WDR43: variants seen among roughly 807,000 people sequenced by gnomAD.
The protein encoded by WDR43 is WD repeat-containing protein 43.
WDR43 carries 13 observed loss-of-function variants against 91.4 expected under a neutral mutation model. The observed-to-expected ratio is 0.14, with a 90% CI of 0.09 to 0.23. WDR43 has a LOEUF of 0.23. WDR43 is among the 10% of genes least tolerant of loss of function. The pLI is 1.00. For synonymous variants in WDR43, 331 were observed against 287.9 expected (o/e 1.15, Z -1.51); for missense variants, 780 against 809.4 (o/e 0.96, Z 0.44).
rs1235843791 is a variant in WDR43 at position 28,896,553 on chromosome 2, T to TA, written c.225+1636dup. 2.0e-5 allele frequency among the ~76,000 whole-genome samples: 3 copies of TA among 152,094 alleles called. No individual in the cohort carries two copies. In the East Asian group the frequency reaches 5.8e-4, roughly 29 times the overall value. ...GGGAAACTAAGCAACTTGAATAAAG[T>TA]AAAAAATGGAACCAGGATTAGAACT... is the stretch of plus-strand genomic sequence containing the variant. On this transcript the variant is annotated intron_variant, in intron 1 of 17. Coordinates refer to ENST00000407426, the MANE Select transcript of WDR43 (RefSeq NM_015131.3).
At chr2:28,933,965 G>A (rs1001691293) in intron 11 of WDR43, among the ~76,000 whole-genome samples, 1 of 152,146 alleles carries the variant, frequency 6.6e-6, no homozygotes, top group African/African-American at 2.4e-5. Context: ...ATATGATGGA[G>A]CCATTCTGCT....
intron 11 of WDR43, among the ~76,000 whole-genome samples, chr2:28,934,850 T>C (rs528111608): frequency 6.6e-6 from 1 of 152,188 alleles, no homozygotes; most frequent in Non-Finnish European, 1.5e-5. Flanking sequence ...AGAAAGACTC[T>C]CTGGAACTAA....
At chr2:28,920,769 C>T (rs1671009926) in intron 6 of WDR43, among the ~76,000 whole-genome samples, 1 of 151,964 alleles carries the variant, frequency 6.6e-6, no homozygotes, top group East Asian at 1.9e-4. Context: ...CTCTGCCTCC[C>T]AGGTTCGAGC....
chr2:28,931,655 C>CTTTTTTTTTTTTTGCAAAAAATCT (rs34087215), intron 11 of WDR43, among the ~76,000 whole-genome samples: 2 of 143,296 alleles, frequency 1.4e-5, no homozygotes, highest in African/African-American at 5.2e-5. Flanking sequence ...GGTTTAAAAT[C>CTTTTTTTTTTTTTGCAAAAAATCT]TTTTTTTTTT....
intron 2 of WDR43, 129 bp from the exon 3 acceptor site, chr2:28,906,331 C>A (rs539832720): frequency 2.3e-6 from 2 of 857,632 alleles, no homozygotes; most frequent in East Asian, 2.9e-5. Flanking sequence ...TCTGAAATAT[C>A]CACGTGTGGG....
intron 16 of WDR43, among the ~76,000 whole-genome samples, chr2:28,944,485 A>G (rs867162277): frequency 1.1e-4 from 17 of 152,378 alleles, no homozygotes; most frequent in Middle Eastern, 6.8e-3. Flanking sequence ...GCTTTAAAAC[A>G]TATATGTAGA....
In WDR43 at chr2:28,941,565, A is replaced by G. The variant is rs747474226; in HGVS notation, c.1725A>G (p.Leu575=). 1.2e-6 allele frequency: 2 copies of G among 1,609,168 alleles called. No homozygotes were observed. Among genetic ancestry groups the G allele is most frequent in the Non-Finnish European group, 1.7e-6 (2 of 1,177,114 alleles). Residue 575 remains leucine, a synonymous_variant, in exon 15 of 18, where the codon CTA becomes CTG. Coordinates refer to ENST00000407426, the MANE Select transcript of WDR43 (RefSeq NM_015131.3). ...ACCTTCATGGAAAGCTTATTCTTCT[A>G]ATTACACAAGTGAGTAAATCATATT... ...LSHLHGKLIL[L]ITQVTASEKT...
chr2:28,909,964 A>G (rs1199002684), intron 3 of WDR43, among the ~76,000 whole-genome samples: 1 of 152,218 alleles, frequency 6.6e-6, no homozygotes, highest in African/African-American at 2.4e-5. Flanking sequence ...AAGCCGTCAA[A>G]TGCCAATATG....
chr2:28,942,441 A>G (rs1671456254), intron 16 of WDR43, 60 bp downstream of exon 16: 1 of 1,540,234 alleles, frequency 6.5e-7, no homozygotes, highest in African/African-American at 1.4e-5. Flanking sequence ...TCAGTGACTG[A>G]GTTCTGTTAT....
chr2:28,942,021 A>G (rs1179310135), intron 15 of WDR43, among the ~76,000 whole-genome samples: 1 of 152,124 alleles, frequency 6.6e-6, no homozygotes, highest in African/African-American at 2.4e-5. Context: ...TCTTTTTCTC[A>G]CCATTGTGTT....
chr2:28,898,046 T>C (rs1324390600), intron 1 of WDR43, among the ~76,000 whole-genome samples: 2 of 152,164 alleles, frequency 1.3e-5, no homozygotes, highest in Non-Finnish European at 2.9e-5. Flanking sequence ...TTAATTATAT[T>C]CTCTACCAAA....
At chr2:28,929,289 G>A (rs1671198422) in intron 10 of WDR43, among the ~76,000 whole-genome samples, 1 of 152,126 alleles carries the variant, frequency 6.6e-6, no homozygotes, top group South Asian at 2.1e-4. Flanking sequence ...CCAGGTCCTT[G>A]CCTTTTCTGA....
intron 5 of WDR43, among the ~76,000 whole-genome samples, chr2:28,915,486 TAAATA>T (rs1042875245): frequency 2.0e-5 from 3 of 152,228 alleles, no homozygotes; most frequent in African/African-American, 4.8e-5. Context: ...AAAATTTCAT[TAAATA>T]AAATAAAAGT....
chr2:28,895,079 C>T (rs1231621380), intron 1 of WDR43, 156 bp downstream of exon 1: 1 of 702,438 alleles, frequency 1.4e-6, no homozygotes, highest in Non-Finnish European at 2.0e-6. Context: ...CCCAAGCCGC[C>T]AGCCCCGCGT....
chr2:28,941,021 G>A lies in WDR43; in HGVS notation c.1621-440G>A, dbSNP rs112242683. Among the ~76,000 whole-genome samples, 237 of 152,284 alleles carry A rather than the reference G, an allele frequency of 1.6e-3. 1 individual carries two copies. Among genetic ancestry groups the A allele is most frequent in the Non-Finnish European group, 2.4e-3 (160 of 68,030 alleles). ...TACTGGTCTCTGGGAGCTGGGAAAAGGCTTCTCTGCCTCTTTGGGGCCTTA... is the reference window on the plus strand; with the variant it reads ...TACTGGTCTCTGGGAGCTGGGAAAAAGCTTCTCTGCCTCTTTGGGGCCTTA... On this transcript the variant is annotated intron_variant, in intron 14 of 17. Transcript: ENST00000407426.
chr2:28,938,648 C>G, intron 14 of WDR43, among the ~76,000 whole-genome samples: 1 of 152,190 alleles, frequency 6.6e-6, no homozygotes, highest in Admixed American at 6.5e-5. Context: ...CTGAATTGTT[C>G]TTTAAAATGT....
intron 2 of WDR43, among the ~76,000 whole-genome samples, chr2:28,904,118 A>G (rs1558368512): frequency 6.6e-6 from 1 of 152,016 alleles, no homozygotes; most frequent in Non-Finnish European, 1.5e-5. Flanking sequence ...ACTCCTTTTT[A>G]TATCATTTCA....
chr2:28,901,784 A>G (rs188848781), intron 1 of WDR43, among the ~76,000 whole-genome samples: 6 of 152,156 alleles, frequency 3.9e-5, no homozygotes, highest in Admixed American at 3.3e-4. Context: ...TAGGGGTGGG[A>G]GACGGGGGAC....
intron 13 of WDR43, among the ~76,000 whole-genome samples, chr2:28,937,603 C>T (rs1010513253): frequency 3.9e-5 from 6 of 151,968 alleles, no homozygotes; most frequent in East Asian, 1.9e-4. Flanking sequence ...CAAAACCAGT[C>T]GAACTCAATT....
Sources: gnomAD v4.1 joint callset for allele counts (sites outside exome capture counted in the v4.1 genomes callset) on GRCh38, gnomAD v4.1.1 for gene constraint, MANE v1.5 for transcripts, NCBI Gene and HGNC (gene_info 2026-07-23, HGNC 2026-07-21) for gene names.